WASHC2C: variants seen among roughly 807,000 people sequenced by gnomAD.
WASHC2C encodes Vaccinia Penetration Factor.
In WASHC2C, 73 loss-of-function variants were observed where a neutral mutation model predicts 142.2. That is an observed-to-expected ratio of 0.51 (90% CI 0.43 to 0.62). The LOEUF (loss-of-function observed/expected upper bound fraction) is 0.62. WASHC2C is among the 20% of genes least tolerant of loss of function. WASHC2C has a pLI of 0.00. For synonymous variants in WASHC2C, 337 were observed against 565.5 expected, an observed-to-expected ratio of 0.60 and a Z score of 5.73; for missense variants, 969 against 1,531.7, an observed-to-expected ratio of 0.63 and a Z score of 6.13.
intron 18 of WASHC2C, among the ~76,000 whole-genome samples, chr10:45,765,267 T>G (rs575444953): frequency 6.4e-4 from 96 of 150,406 alleles, no homozygotes; most frequent in African/African-American, 2.2e-3. Flanking sequence ...TTTCAGCCAT[T>G]GTTCTGGTTT....
chr10:45,768,183 C>T (rs1321258160), intron 19 of WASHC2C, among the ~76,000 whole-genome samples: 40 of 151,416 alleles, frequency 2.6e-4, no homozygotes, highest in Non-Finnish European at 3.7e-4. Flanking sequence ...GCCGAGACCG[C>T]GCCACTGCAC....
Position 45,755,018 on chromosome 10 carries a change from C to A in WASHC2C, c.1323C>A (p.Ser441Arg), listed in dbSNP as rs782818759. 2.4e-5 allele frequency: 38 copies of A among 1,611,802 alleles called. No homozygotes were observed. Among genetic ancestry groups the A allele is most frequent in the African/African-American group, 4.0e-5 (3 of 74,806 alleles). Residue 441 changes from serine (S) to arginine (R), a missense_variant, in exon 15 of 31, where the codon AGC (serine) becomes AGA (arginine). Ser to Arg is a moderately radical substitution (Grantham distance 110). Transcript: ENST00000623400. ...CTGAGCAGCCCACTCCAAGGAAAAG[C>A]CCCTATGGTCCCCCTCCCACTGGCC... ...QKPEQPTPRK[S>R]PYGPPPTGLF...
intron 3 of WASHC2C, among the ~76,000 whole-genome samples, chr10:45,735,790 A>C (rs2051152385): frequency 6.6e-6 from 1 of 152,216 alleles, no homozygotes. Flanking sequence ...CAGATACTTA[A>C]AGATGGGTGG....
At position 45,754,484 on chromosome 10, in the gene WASHC2C, A is replaced by G. The variant is rs782623767; in HGVS notation, c.1181-2A>G. The G allele has an allele frequency of 3.0e-5, 47 of 1,586,968 alleles. No homozygotes were observed. Among genetic ancestry groups the G allele is most frequent in the South Asian group, 1.7e-4 (15 of 88,276 alleles). The stretch of plus-strand genomic sequence containing the variant: ...TGGTTACCCCTTGCTTTCTCATTCT[A>G]GAGTCTTCATCATCCAAACCTGGAA... On this transcript the variant is annotated splice_acceptor_variant, in intron 13 of 30. Transcript: ENST00000623400. LOFTEE classifies it high-confidence loss of function.
chr10:45,777,042 A>G (rs2135512508), intron 21 of WASHC2C, among the ~76,000 whole-genome samples: 1 of 151,968 alleles, frequency 6.6e-6, no homozygotes, highest in South Asian at 2.1e-4. Context: ...GACAGACACA[A>G]GTAGACAGAT....
chr10:45,731,739 A>G (rs1211956335), intron 3 of WASHC2C, among the ~76,000 whole-genome samples: 1 of 151,724 alleles, frequency 6.6e-6, no homozygotes, highest in East Asian at 1.9e-4. Flanking sequence ...CAGCTAATGC[A>G]TAATAAAACT....
In WASHC2C at chr10:45,790,592, T is replaced by G. The variant is rs1488936018; in HGVS notation, c.3886+59T>G. ...TTCTTACCTTTCCATCACTTGGTAT[T>G]TTTCCTGCTACCTTTTCTTGGCCCT... On this transcript the variant is annotated intron_variant, in intron 30 of 30. Coordinates refer to ENST00000623400, the MANE Select transcript of WASHC2C (RefSeq NM_001330074.2). The G allele has an allele frequency of 5.6e-6, 9 of 1,611,816 alleles. No individual in the cohort carries two copies. The African/African-American group carries it at 1.1e-4, about 19-fold the overall frequency.
In WASHC2C at chr10:45,752,722, C is replaced by T. The variant is rs782382012; in HGVS notation, c.1122+16C>T. 2.7e-5 allele frequency: 44 copies of T among 1,605,902 alleles called. No homozygotes were observed. The highest frequency in any genetic ancestry group is 1.8e-4 in the East Asian group (8 of 44,656). ...GGACGAGGAGGTGAGTCCATGGCAC[C>T]CAGCAACACTCCCTGCAGCTAGCTG... On this transcript the variant is annotated intron_variant, in intron 12 of 30. Transcript: ENST00000623400.
intron 30 of WASHC2C, among the ~76,000 whole-genome samples, chr10:45,791,633 C>G (rs2058400775): frequency 6.9e-6 from 1 of 145,904 alleles, no homozygotes; most frequent in South Asian, 2.2e-4. Context: ...TTTCTGTTTT[C>G]TTTATTACAA....
At position 45,727,634 on chromosome 10, in the gene WASHC2C, G is replaced by C. The variant is rs985522132; in HGVS notation, c.126+95G>C. 1.0e-4 allele frequency: 144 copies of C among 1,377,918 alleles called. No homozygotes were observed. In the African/African-American group the frequency reaches 1.8e-3, roughly 17 times the overall value. The allele number at this position is 1,377,918 out of a possible 1,614,324, so 85.4% of individuals were successfully genotyped here. A position where few individuals can be genotyped will look rare whatever the true frequency, so the allele number is the denominator to read the frequency against. ...CCGCGACTGCCCCTGCACCTGGCCCGTCCCGTTGCCTGCCCTCTTAGGAAC... is the reference window on the plus strand; with the variant it reads ...CCGCGACTGCCCCTGCACCTGGCCCCTCCCGTTGCCTGCCCTCTTAGGAAC... On this transcript the variant is annotated intron_variant, in intron 2 of 30. Coordinates refer to ENST00000623400, the MANE Select transcript of WASHC2C (RefSeq NM_001330074.2).
intron 4 of WASHC2C, among the ~76,000 whole-genome samples, chr10:45,738,766 A>G (rs1554865964): frequency 6.6e-6 from 1 of 152,142 alleles, no homozygotes. Flanking sequence ...GTGCAGTGGC[A>G]CGATATCAGC....
At chr10:45,760,056 C>T (rs1311960381) in intron 17 of WASHC2C, among the ~76,000 whole-genome samples, 1 of 148,916 alleles carries the variant, frequency 6.7e-6, no homozygotes, top group African/African-American at 2.5e-5. Context: ...ACTAACTAGA[C>T]CGTGGCTTAA....
At chr10:45,749,687 G>A (rs1470757624) in intron 8 of WASHC2C, among the ~76,000 whole-genome samples, 22 of 150,588 alleles carry the variant, frequency 1.5e-4, no homozygotes, top group African/African-American at 5.1e-4. Flanking sequence ...TTTGCTGGGC[G>A]TAGTGGTGCA....
chr10:45,766,043 T>G (rs1238433603), intron 19 of WASHC2C, among the ~76,000 whole-genome samples: 1 of 152,234 alleles, frequency 6.6e-6, no homozygotes, highest in Admixed American at 6.5e-5. Context: ...TAGTGTATGC[T>G]CCTTCAAATG....
At chr10:45,787,579 G>A (rs1554890841) in intron 28 of WASHC2C, among the ~76,000 whole-genome samples, 9 of 150,222 alleles carry the variant, frequency 6.0e-5, no homozygotes, top group South Asian at 2.1e-4. Flanking sequence ...TCCTGCTGGC[G>A]CTTCCTCACT....
At position 45,788,601 on chromosome 10, in the gene WASHC2C, T is replaced by G. The variant is rs2058216893; in HGVS notation, c.3088-270T>G. On this transcript the variant is annotated intron_variant, in intron 28 of 30. Coordinates refer to ENST00000623400, the MANE Select transcript of WASHC2C (RefSeq NM_001330074.2). ...GTTTCCAGCAACAGATGAAACTTTT[T>G]GTGTGAAACTGAACTGAAACTGCCC... 1.1e-4 allele frequency among the ~76,000 whole-genome samples: 16 copies of G among 152,286 alleles called. No homozygotes were observed. The South Asian group carries it at 3.3e-3, about 32-fold the overall frequency.
At chr10:45,773,209 TTTTCATC>T (rs2056759288) in intron 20 of WASHC2C, 40 bp from the exon 21 acceptor site, 1 of 628,926 alleles carries the variant, frequency 1.6e-6, no homozygotes, top group Non-Finnish European at 2.7e-6. Flanking sequence ...GTTTTTGTTT[TTTTCATC>T]ACACTTTTCC....
intron 21 of WASHC2C, among the ~76,000 whole-genome samples, chr10:45,775,713 T>C (rs1478297152): frequency 6.6e-6 from 1 of 150,700 alleles, no homozygotes; most frequent in Non-Finnish European, 1.5e-5. Context: ...GACGGAGTCT[T>C]GCTCTTTCGT....
intron 23 of WASHC2C, among the ~76,000 whole-genome samples, chr10:45,782,279 C>T (rs1429448746): frequency 7.2e-4 from 109 of 151,958 alleles, no homozygotes; most frequent in African/African-American, 2.5e-3. Flanking sequence ...CAGAACGAGA[C>T]CCTGTCTGAA....
Sources: allele counts gnomAD v4.1 joint callset (sites outside exome capture counted in the v4.1 genomes callset), GRCh38; gene constraint gnomAD v4.1.1; transcripts MANE v1.5; gene names NCBI Gene and HGNC (gene_info 2026-07-23, HGNC 2026-07-21).